SLC39A10: variants seen among roughly 807,000 people sequenced by gnomAD.
The protein encoded by SLC39A10 is solute carrier family 39 member 10.
In SLC39A10, 13 loss-of-function variants were observed where a neutral mutation model predicts 65.1. The ratio of observed to expected loss-of-function variants is 0.20; its 90% CI spans 0.13 to 0.32. The LOEUF (loss-of-function observed/expected upper bound fraction) is 0.32, where lower values mean the gene tolerates loss of function less well. Among genes scored for constraint, SLC39A10 ranks in the 10% least tolerant of loss-of-function variants. The probability of loss-of-function intolerance (pLI) is 1.00; values close to 1 mark genes in which losing one functional copy is unlikely to be tolerated. For missense variants in SLC39A10, 831 were observed against 1,018.4 expected (o/e 0.82, Z 2.50); for synonymous variants, 321 against 342.2 (o/e 0.94, Z 0.68).
Position 195,713,539 on chromosome 2 carries a change from T to G in SLC39A10, c.1682T>G (p.Leu561Arg). The change falls in exon 6 of 10, where the codon CTC (leucine) becomes CGC (arginine). Residue 561 changes from leucine (L) to arginine (R), a missense_variant. Physicochemically the swap from Leu to Arg is moderately radical, Grantham distance 102. Around this residue, in one of 4 missense-constraint regions of SLC39A10, gnomAD observed 230 missense variants for 242.9 expected, o/e 0.95. Coordinates refer to ENST00000359634, the MANE Select transcript of SLC39A10 (RefSeq NM_020342.3). ...ACACCAGATTCTGACTGGCTTCAACTCAAGCCTCTTGCCGGTAGACAGCAA... is the reference window on the plus strand; with the variant it reads ...ACACCAGATTCTGACTGGCTTCAACGCAAGCCTCTTGCCGGTAGACAGCAA... ...NNTPDSDWLQ[L>R]KPLAGTDDSV... 1 of 1,561,166 alleles carries G rather than the reference T, an allele frequency of 6.4e-7. No homozygotes were observed. The highest frequency in any genetic ancestry group is 8.6e-7 in the Non-Finnish European group (1 of 1,165,114).
At chr2:195,663,146 ACT>A (rs566580657) in intron 1 of SLC39A10, among the ~76,000 whole-genome samples, 2 of 151,714 alleles carry the variant, frequency 1.3e-5, no homozygotes, top group African/African-American at 4.8e-5. Context: ...CTTCCTTGTA[ACT>A]CTCTCAGAGC....
At chr2:195,621,924 T>TA (rs1204546652) in intron 2 of SLC39A10, among the ~76,000 whole-genome samples, 1 of 152,118 alleles carries the variant, frequency 6.6e-6, no homozygotes, top group African/African-American at 2.4e-5. Context: ...TTTTGCAGAT[T>TA]AAAAAAACAA....
intron 2 of SLC39A10, among the ~76,000 whole-genome samples, chr2:195,624,959 T>C (rs1040806612): frequency 8.2e-5 from 12 of 145,800 alleles, no homozygotes; most frequent in Non-Finnish European, 1.0e-4. Context: ...ACGCCTGTAA[T>C]CCCAGCACTT....
intron 3 of SLC39A10, among the ~76,000 whole-genome samples, chr2:195,698,660 T>G (rs1005505517): frequency 6.6e-6 from 1 of 152,022 alleles, no homozygotes; most frequent in African/African-American, 2.4e-5. Flanking sequence ...TAAATCCCAT[T>G]TAGTCAGGTT....
At position 195,676,572 on chromosome 2, in the gene SLC39A10, TTTGTGTG is replaced by T. The variant is rs1335022157; in HGVS notation, c.-11-3458_-11-3452del. ...GTTTTTAATGTTCTTGGAATTGACT[TTTGTGTG>T]TAGTGTGAGGAAGAAACATTTTCAC... On this transcript the variant is annotated intron_variant, in intron 1 of 9. Coordinates refer to ENST00000359634, the MANE Select transcript of SLC39A10 (RefSeq NM_020342.3). Among the ~76,000 whole-genome samples the T allele has an allele frequency of 3.3e-5, 5 of 152,308 alleles. No homozygotes were observed. The East Asian group carries it at 9.6e-4, about 29-fold the overall frequency.
At chr2:195,652,456 G>T (rs774477408), upstream of SLC39A10, among the ~76,000 whole-genome samples, 6 of 151,528 alleles carry the variant, frequency 4.0e-5, no homozygotes, top group Non-Finnish European at 7.4e-5. Context: ...GGCTGAGGCA[G>T]GAGAATCGCC....
chr2:195,695,128 C>T (rs1473179299), intron 3 of SLC39A10, among the ~76,000 whole-genome samples: 2 of 152,188 alleles, frequency 1.3e-5, no homozygotes, highest in Admixed American at 6.5e-5. Context: ...TCTCAGTGCT[C>T]AAGCCAGTTG....
intron 4 of SLC39A10, among the ~76,000 whole-genome samples, chr2:195,707,262 C>A (rs768070731): frequency 6.6e-6 from 1 of 152,140 alleles, no homozygotes; most frequent in East Asian, 1.9e-4. Flanking sequence ...TTTGGGGACA[C>A]TTCTAATTAT....
rs550527549 is a variant in SLC39A10 at position 195,633,954 on chromosome 2, GC to G, written c.-12+27724del. Among the ~76,000 whole-genome samples the G allele has an allele frequency of 2.9e-3, 435 of 152,334 alleles. 3 individuals carry two copies. Among genetic ancestry groups the G allele is most frequent in the Admixed American group, 5.0e-3 (76 of 15,296 alleles). On this transcript the variant is annotated intron_variant, in intron 2 of 2. Coordinates refer to the SLC39A10 transcript ENST00000458054. The stretch of plus-strand genomic sequence containing the variant: ...AGGGTGGGGCTTCGCCAGGGACCCT[GC>G]CCTTTTCTGCCTAGAATTTCTCTGC...
In SLC39A10 at chr2:195,736,755, T is replaced by TATA. The variant is rs1304466402; in HGVS notation, c.*1717_*1719dup. On this transcript the variant is annotated 3_prime_UTR_variant, in exon 10 of 10. Transcript: ENST00000359634. ...CCTTATAATAAGTAGAAGTTTTATATATAATTAATTTTCAGCATTGGGCAC... is the reference window on the plus strand; with the variant it reads ...CCTTATAATAAGTAGAAGTTTTATATATAATAATTAATTTTCAGCATTGGGCAC... 4 of 152,718 alleles carry TATA rather than the reference T, an allele frequency of 2.6e-5. No individual in the cohort carries two copies. The highest frequency in any genetic ancestry group is 7.2e-5 in the African/African-American group (3 of 41,574). The allele number at this position is 152,718 out of a possible 1,614,324, so 9.5% of individuals were successfully genotyped here. A position where few individuals can be genotyped will look rare whatever the true frequency, so the allele number is the denominator to read the frequency against.
At chr2:195,628,279 A>G (rs1014070578) in intron 2 of SLC39A10, among the ~76,000 whole-genome samples, 1 of 152,236 alleles carries the variant, frequency 6.6e-6, no homozygotes, top group East Asian at 1.9e-4. Flanking sequence ...AGAGTGAAAC[A>G]GTAAACTAAA....
At chr2:195,684,019 T>C in intron 3 of SLC39A10, 113 bp downstream of exon 3, 1 of 765,668 alleles carries the variant, frequency 1.3e-6, no homozygotes, top group Non-Finnish European at 2.0e-6. Context: ...GTTGTCAGAC[T>C]TTAAATATAT....
At chr2:195,651,137 A>C (rs1234759228) in intron 2 of SLC39A10, among the ~76,000 whole-genome samples, 1 of 151,456 alleles carries the variant, frequency 6.6e-6, no homozygotes, top group East Asian at 1.9e-4. Context: ...TCTAGTGAGA[A>C]CTCCCATGGA....
rs1207170445 is a variant in SLC39A10, at chr2:195,737,120, T to TTTA, written c.*2082_*2084dup. The TTTA allele has an allele frequency of 6.6e-6, 1 of 152,628 alleles. No individual in the cohort carries two copies. The highest frequency in any genetic ancestry group is 2.1e-4 in the South Asian group (1 of 4,836). The allele number at this position is 152,628 out of a possible 1,614,324, so 9.5% of individuals were successfully genotyped here. A position where few individuals can be genotyped will look rare whatever the true frequency, so the allele number is the denominator to read the frequency against. On this transcript the variant is annotated 3_prime_UTR_variant, in exon 10 of 10. Transcript: ENST00000359634. ...TCTCTCAAAAATGGTATTATCTTTC[T>TTTA]TTATTTGCTAGATTCTTACAAATCT...
At chr2:195,700,128 C>T (rs1691119768) in intron 3 of SLC39A10, among the ~76,000 whole-genome samples, 1 of 152,108 alleles carries the variant, frequency 6.6e-6, no homozygotes, top group Admixed American at 6.5e-5. Flanking sequence ...AAGTGAGTCT[C>T]TTGTATATAA....
intron 6 of SLC39A10, among the ~76,000 whole-genome samples, chr2:195,713,868 G>A (rs1340906085): frequency 1.3e-5 from 2 of 151,486 alleles, no homozygotes; most frequent in Non-Finnish European, 2.9e-5. Context: ...ATAAAGATAA[G>A]AATTACACAA....
chr2:195,696,749 T>C (rs922264275), intron 3 of SLC39A10, among the ~76,000 whole-genome samples: 1 of 152,078 alleles, frequency 6.6e-6, no homozygotes, highest in African/African-American at 2.4e-5. Context: ...TTATATCTAT[T>C]ATATATTGTA....
intron 2 of SLC39A10, among the ~76,000 whole-genome samples, chr2:195,644,287 A>G (rs1165877899): frequency 6.6e-6 from 1 of 151,880 alleles, no homozygotes. Context: ...GCTTGAGCTC[A>G]GGAGTTCAGT....
intron 2 of SLC39A10, among the ~76,000 whole-genome samples, chr2:195,627,508 T>C (rs1438290646): frequency 1.3e-5 from 2 of 152,192 alleles, no homozygotes; most frequent in Non-Finnish European, 2.9e-5. Flanking sequence ...CAAATTAACA[T>C]AACCCAGAAG....
Sources: gnomAD v4.1 joint callset for allele counts (sites outside exome capture counted in the v4.1 genomes callset) on GRCh38, gnomAD v4.1.1 for gene constraint, gnomAD v4.1.1 regional missense constraint, MANE v1.5 for transcripts, NCBI Gene and HGNC (gene_info 2026-07-23, HGNC 2026-07-21) for gene names.